BEX3: variants seen among roughly 807,000 people sequenced by gnomAD.
BEX3 encodes protein BEX3.
BEX3 carries 1 observed loss-of-function variant against 6.1 expected under a neutral mutation model. That is an observed-to-expected ratio of 0.16 (90% CI 0.06 to 0.78). BEX3 has a LOEUF of 0.78. Among genes scored for constraint, BEX3 ranks in the 30% least tolerant of loss-of-function variants. BEX3 has a pLI of 0.75. For missense variants in BEX3, 49 were observed against 84.7 expected (o/e 0.58, Z 1.65); for synonymous variants, 33 against 25.2 (o/e 1.31, Z -0.93).
intron 1 of BEX3, 131 bp downstream of exon 1, chrX:103,376,744 GC>G: frequency 4.9e-6 from 1 of 205,980 alleles, no homozygotes; most frequent in Non-Finnish European, 7.2e-6. Context: ...GAACACAGAG[GC>G]CCCCAGGGAT....
At chrX:103,376,418 G>T (rs369974181), upstream of BEX3, 2,982 of 739,113 alleles carry the variant, frequency 4.0e-3, 4 homozygotes, top group Non-Finnish European at 4.6e-3. Flanking sequence ...GGTGGCGGGT[G>T]GGGGGAAGGG....
intron 2 of BEX3, 52 bp from the exon 3 acceptor site, chrX:103,377,458 C>A: frequency 8.5e-7 from 1 of 1,173,436 alleles, no homozygotes; most frequent in Non-Finnish European, 1.1e-6. Flanking sequence ...TACTTGTGTT[C>A]AAAGAAAAAC....
In BEX3 at chrX:103,377,850, T is replaced by G; in HGVS notation, c.*23T>G. Reference sequence around the variant, plus strand: ...TGACTCCTGCCATTTATCATGAGATTAATACTGTGATTCCCGCTGTTTTCT... The same window carrying G: ...TGACTCCTGCCATTTATCATGAGATGAATACTGTGATTCCCGCTGTTTTCT... On this transcript the variant is annotated 3_prime_UTR_variant, in exon 3 of 3. Transcript: ENST00000361298. 9.3e-7 allele frequency: 1 copy of G among 1,073,248 alleles called. No homozygotes were observed. The highest frequency in any genetic ancestry group is 1.8e-5 in the African/African-American group (1 of 54,588). The allele number at this position is 1,073,248 out of a possible 1,213,427, so 88.4% of individuals were successfully genotyped here.
rs745396814 is a variant in BEX3, at chrX:103,377,642, A to G, written c.121A>G (p.Ile41Val). 7.9e-5 allele frequency: 95 copies of G among 1,209,620 alleles called. No homozygotes were observed. The Middle Eastern group carries it at 2.3e-3, about 29-fold the overall frequency. ...ACTTGCCCCTAATTTTCGATGGGCC[A>G]TACCCAATAGGCAGATCAATGATGG... ...RRLAPNFRWA[I>V]PNRQINDGMG... The change falls in exon 3 of 3, where the codon ATA (isoleucine) becomes GTA (valine). Residue 41 changes from isoleucine to valine, a missense_variant. Transcript: ENST00000361298.
Position 103,377,885 on chromosome X carries a change from C to A in BEX3, c.*58C>A. ...ATTCCCGCTGTTTTCTTTTTCCTTG[C>A]ATTTTCCTAATATGCCTTTACTGAT... On this transcript the variant is annotated 3_prime_UTR_variant, in exon 3 of 3. Transcript: ENST00000361298. The A allele has an allele frequency of 1.1e-6, 1 of 939,994 alleles. No homozygotes were observed. Among genetic ancestry groups the A allele is most frequent in the Non-Finnish European group, 1.5e-6 (1 of 671,679 alleles). The allele number at this position is 939,994 out of a possible 1,213,427, so 77.5% of individuals were successfully genotyped here.
Position 103,377,492 on chromosome X carries a change from A to G in BEX3, c.-12-18A>G. Reference sequence around the variant, plus strand: ...ACAACCAGAAAAAAAAAATCTCATCATGGCAAATATTCACCAGGAAAACGA... The same window carrying G: ...ACAACCAGAAAAAAAAAATCTCATCGTGGCAAATATTCACCAGGAAAACGA... On this transcript the variant is annotated intron_variant, in intron 2 of 2. Coordinates refer to ENST00000361298, the MANE Select transcript of BEX3 (RefSeq NM_206917.3). The G allele has an allele frequency of 2.5e-6, 3 of 1,191,211 alleles. No homozygotes were observed. The South Asian group carries it at 5.6e-5, about 22-fold the overall frequency.
Position 103,378,027 on chromosome X carries a change from C to T in BEX3, c.*200C>T, listed in dbSNP as rs1249476784. 1 of 363,196 alleles carries T rather than the reference C, an allele frequency of 2.8e-6. No homozygotes were observed. Among genetic ancestry groups the T allele is most frequent in the African/African-American group, 2.6e-5 (1 of 38,785 alleles). The allele number at this position is 363,196 out of a possible 1,213,427, so 29.9% of individuals were successfully genotyped here. Reference sequence around the variant, plus strand: ...AGTTTCTGTCAGCAGTAGTTTCACCCATTTGCATGGAAAAATTTAAAGCTA... The same window carrying T: ...AGTTTCTGTCAGCAGTAGTTTCACCTATTTGCATGGAAAAATTTAAAGCTA... On this transcript the variant is annotated 3_prime_UTR_variant, in exon 3 of 3. Transcript: ENST00000361298.
intron 2 of BEX3, 85 bp from the exon 3 acceptor site, chrX:103,377,425 A>T: frequency 9.2e-7 from 1 of 1,081,869 alleles, no homozygotes; most frequent in Non-Finnish European, 1.2e-6. Flanking sequence ...CCAAGCATTC[A>T]GTCTCTCTCC....
At chrX:103,376,324 C>T, upstream of BEX3, 1 of 303,419 alleles carries the variant, frequency 3.3e-6, no homozygotes, top group Non-Finnish European at 4.4e-6. Flanking sequence ...TTGGAGAGGA[C>T]CGAGAAGAGT....
At chrX:103,376,415 G>A (rs1458034317), upstream of BEX3, 3 of 740,656 alleles carry the variant, frequency 4.1e-6, no homozygotes, top group African/African-American at 7.1e-5. Context: ...GGCGGTGGCG[G>A]GTGGGGGGAA....
chrX:103,376,407 C>A (rs1055002695), upstream of BEX3: 21 of 723,840 alleles, frequency 2.9e-5, no homozygotes, highest in African/African-American at 4.4e-4. Context: ...GTGCATATGG[C>A]GGTGGCGGGT....
chrX:103,377,084 G>A lies in BEX3; in HGVS notation c.-35G>A, dbSNP rs1927251611. On this transcript the variant is annotated 5_prime_UTR_variant, in exon 2 of 3. Transcript: ENST00000361298. ...CTCGCGGCGAGAATCCGGAGGAGAA[G>A]GAGACTGCAAGGATAGGCCCAGGTC... 1 of 310,550 alleles carries A rather than the reference G, an allele frequency of 3.2e-6. No homozygotes were observed. The highest frequency in any genetic ancestry group is 4.4e-6 in the Non-Finnish European group (1 of 228,756). The allele number at this position is 310,550 out of a possible 1,213,427, so 25.6% of individuals were successfully genotyped here. A position where few individuals can be genotyped will look rare whatever the true frequency, so the allele number is the denominator to read the frequency against.
chrX:103,377,403 C>A, intron 2 of BEX3, 107 bp from the exon 3 acceptor site: 2 of 993,597 alleles, frequency 2.0e-6, no homozygotes, highest in South Asian at 2.4e-5. Flanking sequence ...CTGAATCCTG[C>A]TGGTCAGAGC....
Position 103,377,744 on chromosome X carries a change from C to G in BEX3, c.223C>G (p.Gln75Glu). 1 of 1,211,468 alleles carries G rather than the reference C, an allele frequency of 8.3e-7. No homozygotes were observed. Among genetic ancestry groups the G allele is most frequent in the Non-Finnish European group, 1.1e-6 (1 of 895,271 alleles). The change falls in exon 3 of 3, where the codon CAG (glutamine) becomes GAG (glutamate). Residue 75 changes from glutamine to glutamate, a missense_variant. Transcript: ENST00000361298. ...AATCAGAAGAAAACTTAGGGAGCTGCAGTTGAGGAATTGTCTGCGTATCCT... is the reference window on the plus strand; with the variant it reads ...AATCAGAAGAAAACTTAGGGAGCTGGAGTTGAGGAATTGTCTGCGTATCCT... ...REIRRKLREL[Q>E]LRNCLRILMG...
upstream of BEX3, chrX:103,376,506 T>G (rs1839588245): frequency 1.3e-6 from 1 of 750,735 alleles, no homozygotes; most frequent in Admixed American, 8.8e-5. Context: ...GACCCAGAGC[T>G]GCAGAGCGAC....
intron 2 of BEX3, 86 bp from the exon 3 acceptor site, chrX:103,377,424 C>A: frequency 9.3e-7 from 1 of 1,074,926 alleles, no homozygotes. Flanking sequence ...ACCAAGCATT[C>A]AGTCTCTCTC....
chrX:103,377,614 C>T lies in BEX3; in HGVS notation c.93C>T (p.Arg31=). ...CAGGAAATCGACGGGGACAGGCTCG[C>T]CGACTTGCCCCTAATTTTCGATGGG... ...QPAGNRRGQA[R]RLAPNFRWAI... is the part of the protein sequence containing the mutation. Residue 31 remains arginine (R), a synonymous_variant, in exon 3 of 3, where the codon CGC becomes CGT. Transcript: ENST00000361298. The T allele has an allele frequency of 8.3e-7, 1 of 1,211,411 alleles. No homozygotes were observed. Among genetic ancestry groups the T allele is most frequent in the Non-Finnish European group, 1.1e-6 (1 of 895,477 alleles).
intron 2 of BEX3, 92 bp downstream of exon 2, chrX:103,377,198 T>C: frequency 4.3e-6 from 1 of 231,069 alleles, no homozygotes. Context: ...CCCCCACTCC[T>C]ATACCGGTCC....
At position 103,377,899 on chromosome X, in the gene BEX3, G is replaced by A; in HGVS notation, c.*72G>A. Reference sequence around the variant, plus strand: ...CTTTTTCCTTGCATTTTCCTAATATGCCTTTACTGATCCGTTTGCTGTGAA... The same window carrying A: ...CTTTTTCCTTGCATTTTCCTAATATACCTTTACTGATCCGTTTGCTGTGAA... On this transcript the variant is annotated 3_prime_UTR_variant, in exon 3 of 3. Transcript: ENST00000361298. 4 of 826,665 alleles carry A rather than the reference G, an allele frequency of 4.8e-6. No homozygotes were observed. Among genetic ancestry groups the A allele is most frequent in the Non-Finnish European group, 7.0e-6 (4 of 572,567 alleles). The allele number at this position is 826,665 out of a possible 1,213,427, so 68.1% of individuals were successfully genotyped here.
Sources: allele counts gnomAD v4.1 joint callset, GRCh38; gene constraint gnomAD v4.1.1; transcripts MANE v1.5; gene names NCBI Gene and HGNC (gene_info 2026-07-23, HGNC 2026-07-21).